Variants in MIA2 observed in about 807,000 individuals in gnomAD.
MIA2 encodes MIA SH3 domain ER export factor 2, also known as melanoma inhibitory activity protein 2.
MIA2 carries 127 observed loss-of-function variants against 167.8 expected under a neutral mutation model. That is an observed-to-expected ratio of 0.76 (90% CI 0.66 to 0.88). The LOEUF (loss-of-function observed/expected upper bound fraction) is 0.88. MIA2 is among the 40% of genes least tolerant of loss of function. MIA2 has a pLI of 0.00. For missense variants in MIA2, 1,690 were observed against 1,624.7 expected (o/e 1.04, Z -0.69); for synonymous variants, 552 against 541.9 (o/e 1.02, Z -0.26).
Position 39,348,949 on chromosome 14 carries a change from C to T in MIA2, c.4044C>T (p.Phe1348=). 6.2e-7 allele frequency: 1 copy of T among 1,613,932 alleles called. No homozygotes were observed. Among genetic ancestry groups the T allele is most frequent in the Non-Finnish European group, 8.5e-7 (1 of 1,179,822 alleles). Residue 1348 remains phenylalanine (F), a synonymous_variant, in exon 28 of 29, where the codon TTC becomes TTT. Coordinates refer to ENST00000640607, the MANE Select transcript of MIA2 (RefSeq NM_001329214.4). ...GAGATTATTTTCCACCAGGGGATTT[C>T]CCAGGTCCACCACCTGCTCCATTTG... ...ASRDYFPPGD[F]PGPPPAPFAM... is the part of the protein sequence containing the mutation.
chr14:39,266,967 C>T, intron 6 of MIA2: 1 of 695,220 alleles, frequency 1.4e-6, no homozygotes. Context: ...CACACGACAG[C>T]GCGGAGTATG....
intron 23 of MIA2, chr14:39,386,572 C>A (rs2075275661): frequency 1.8e-6 from 2 of 1,140,054 alleles, no homozygotes; most frequent in Admixed American, 4.5e-5. Flanking sequence ...TCTTTGTTAT[C>A]ATCACCTGCT....
chr14:39,366,620 C>T (rs553492334), intron 23 of MIA2, among the ~76,000 whole-genome samples: 15 of 152,272 alleles, frequency 9.9e-5, no homozygotes, highest in Admixed American at 7.2e-4. Flanking sequence ...CTGATCCCCA[C>T]GCCCTTGGAT....
intron 2 of MIA2, among the ~76,000 whole-genome samples, chr14:39,239,283 T>C (rs2053935390): frequency 1.3e-5 from 2 of 152,212 alleles, no homozygotes; most frequent in South Asian, 4.1e-4. Flanking sequence ...TGGTGGCTCA[T>C]GCCTATAATC....
At chr14:39,325,059 C>CA (rs2067206418) in intron 24 of MIA2, among the ~76,000 whole-genome samples, 1 of 152,030 alleles carries the variant, frequency 6.6e-6, no homozygotes, top group South Asian at 2.1e-4. Context: ...CCTGTATCTA[C>CA]AAAAAATACA....
chr14:39,328,435 A>G (rs1022534338), intron 25 of MIA2, among the ~76,000 whole-genome samples: 2 of 152,088 alleles, frequency 1.3e-5, no homozygotes, highest in African/African-American at 4.8e-5. Flanking sequence ...CTCTGATGGT[A>G]GTTTCTTTTG....
chr14:39,268,053 C>A (rs2056325217), intron 6 of MIA2, among the ~76,000 whole-genome samples: 1 of 149,832 alleles, frequency 6.7e-6, no homozygotes, highest in African/African-American at 2.5e-5. Context: ...TTCTTCGCTT[C>A]TGTCTTGTTA....
chr14:39,343,290 C>T (rs1335940747), intron 25 of MIA2, among the ~76,000 whole-genome samples: 1 of 151,994 alleles, frequency 6.6e-6, no homozygotes, highest in South Asian at 2.1e-4. Context: ...GATCGCAGGC[C>T]TGTGCCACCA....
intron 6 of MIA2, among the ~76,000 whole-genome samples, chr14:39,273,433 G>C (rs545857839): frequency 7.9e-5 from 12 of 152,008 alleles, no homozygotes; most frequent in African/African-American, 1.9e-4. Flanking sequence ...ATTCACTGCC[G>C]TCTCGACTTC....
At chr14:39,289,070 T>C (rs1427778821) in intron 9 of MIA2, among the ~76,000 whole-genome samples, 2 of 152,208 alleles carry the variant, frequency 1.3e-5, no homozygotes, top group African/African-American at 4.8e-5. Context: ...TTTGAAAATT[T>C]GGTAAAATTC....
chr14:39,354,770 T>C (rs886208926), downstream of MIA2, among the ~76,000 whole-genome samples: 2 of 152,214 alleles, frequency 1.3e-5, no homozygotes, highest in African/African-American at 4.8e-5. Context: ...GTTTCAGCTT[T>C]CTACATATGG....
chr14:39,364,737 T>C (rs1339389698), intron 23 of MIA2, among the ~76,000 whole-genome samples: 2 of 152,056 alleles, frequency 1.3e-5, no homozygotes, highest in African/African-American at 4.8e-5. Flanking sequence ...TGTTTTTGTT[T>C]TGTTTTGTTT....
intron 23 of MIA2, chr14:39,385,708 A>T: frequency 1.0e-6 from 1 of 992,032 alleles, no homozygotes; most frequent in South Asian, 1.3e-5. Flanking sequence ...CAGTGGTAAC[A>T]GACTATAGTC....
At chr14:39,329,924 A>C (rs979737293) in intron 25 of MIA2, among the ~76,000 whole-genome samples, 1 of 152,010 alleles carries the variant, frequency 6.6e-6, no homozygotes, top group Non-Finnish European at 1.5e-5. Flanking sequence ...ATTGGCCTGA[A>C]ATTTTCTTTT....
At chr14:39,383,516 C>T (rs1442151847) in intron 23 of MIA2, among the ~76,000 whole-genome samples, 1 of 152,212 alleles carries the variant, frequency 6.6e-6, no homozygotes, top group African/African-American at 2.4e-5. Flanking sequence ...ACTAACCCTA[C>T]AGTGACCTCT....
intron 1 of MIA2, among the ~76,000 whole-genome samples, chr14:39,234,660 C>G (rs1381665173): frequency 6.6e-6 from 1 of 152,052 alleles, no homozygotes; most frequent in Admixed American, 6.6e-5. Context: ...ACACTCAGAA[C>G]TTTCTGATTC....
Position 39,247,756 on chromosome 14 carries a change from A to C in MIA2, c.1182A>C (p.Lys394Asn). The change falls in exon 4 of 29, where the codon AAA becomes AAC. Residue 394 changes from lysine (K) to asparagine (N), a missense_variant. Coordinates refer to ENST00000640607, the MANE Select transcript of MIA2 (RefSeq NM_001329214.4). ...GCTTTGCATATGCCAAGGAAGATAA[A>C]ATTATGTTAGATGACAGGAAAAATG... Reference protein sequence around the residue: ...ILGFAYAKEDKIMLDDRKNEE... With the variant: ...ILGFAYAKEDNIMLDDRKNEE... The C allele has an allele frequency of 6.2e-7, 1 of 1,613,542 alleles. No homozygotes were observed. The highest frequency in any genetic ancestry group is 8.5e-7 in the Non-Finnish European group (1 of 1,179,902).
At chr14:39,350,711 T>G (rs2074296076), downstream of MIA2, 1 of 153,146 alleles carries the variant, frequency 6.5e-6, no homozygotes, top group South Asian at 2.1e-4. Context: ...CTCTATTAAC[T>G]TTTTTCCTTT....
At chr14:39,323,566 T>A (rs2066894398) in intron 24 of MIA2, among the ~76,000 whole-genome samples, 1 of 151,868 alleles carries the variant, frequency 6.6e-6, no homozygotes, top group Non-Finnish European at 1.5e-5. Context: ...CATGAAATAG[T>A]ACTTGCCATT....
Sources: allele counts gnomAD v4.1 joint callset (sites outside exome capture counted in the v4.1 genomes callset), GRCh38; gene constraint gnomAD v4.1.1; transcripts MANE v1.5; gene names NCBI Gene and HGNC (gene_info 2026-07-23, HGNC 2026-07-21).